SCN1A: variants seen among roughly 807,000 people sequenced by gnomAD.
The protein encoded by SCN1A is sodium voltage-gated channel alpha subunit 1, also known as sodium channel protein type 1 subunit alpha.
A neutral mutation model predicts 193.7 loss-of-function variants in SCN1A; 13 were observed. The ratio of observed to expected loss-of-function variants is 0.07; its 90% CI spans 0.04 to 0.11. SCN1A has a LOEUF of 0.11. SCN1A is among the 10% of genes least tolerant of loss of function. SCN1A has a pLI of 1.00. For missense variants in SCN1A, 1,432 were observed against 2,451.1 expected (o/e 0.58, Z 8.78); for synonymous variants, 781 against 843.6 (o/e 0.93, Z 1.29).
chr2:166,007,643 T>C (rs1691835718), intron 23 of SCN1A, among the ~76,000 whole-genome samples: 1 of 151,380 alleles, frequency 6.6e-6, no homozygotes, highest in African/African-American at 2.4e-5. Flanking sequence ...GATGATAATT[T>C]ATTTGTTACT....
chr2:166,098,819 C>G (rs992553181), intron 2 of SCN1A, among the ~76,000 whole-genome samples: 18 of 152,128 alleles, frequency 1.2e-4, no homozygotes, highest in African/African-American at 4.3e-4. Flanking sequence ...TGAAAGATCT[C>G]TACAACAAGA....
chr2:166,113,216 GAAACAA>G (rs941451747), intron 2 of SCN1A, among the ~76,000 whole-genome samples: 57 of 149,758 alleles, frequency 3.8e-4, no homozygotes, highest in Non-Finnish European at 6.1e-4. Context: ...GGGAAAAACA[GAAACAA>G]AAACAAAAAC....
At chr2:166,087,672 T>C (rs1686292951) in intron 2 of SCN1A, among the ~76,000 whole-genome samples, 1 of 151,940 alleles carries the variant, frequency 6.6e-6, no homozygotes, top group Non-Finnish European at 1.5e-5. Flanking sequence ...AAAAAAAAAA[T>C]TACCCAGCCT....
rs1334990688 is a variant in SCN1A at position 166,002,760 on chromosome 2, C to T, written c.4003-7G>A. On this transcript the variant is annotated splice_polypyrimidine_tract_variant and splice_region_variant and intron_variant, in intron 23 of 28. Transcript: ENST00000674923. ...AAAGGGCATTCACAACCACCTAATA[C>T]ACAAATGGAAAAAAAGAAAAGTCAG... 1 of 1,599,324 alleles carries T rather than the reference C, an allele frequency of 6.3e-7. No homozygotes were observed. The highest frequency in any genetic ancestry group is 8.5e-7 in the Non-Finnish European group (1 of 1,174,788).
At chr2:166,024,197 G>A (rs1055350907) in intron 19 of SCN1A, among the ~76,000 whole-genome samples, 71 of 152,018 alleles carry the variant, frequency 4.7e-4, no homozygotes, top group African/African-American at 1.7e-3. Context: ...CTGCACTCTG[G>A]CGTGGATGAC....
At chr2:166,080,807 A>C (rs549383008) in intron 2 of SCN1A, among the ~76,000 whole-genome samples, 1 of 151,904 alleles carries the variant, frequency 6.6e-6, no homozygotes, top group African/African-American at 2.4e-5. Flanking sequence ...ATTTGTTAGA[A>C]TATACAAATA....
At chr2:166,130,003 G>A (rs1480458182), upstream of SCN1A, among the ~76,000 whole-genome samples, 2 of 152,186 alleles carry the variant, frequency 1.3e-5, no homozygotes, top group Admixed American at 6.5e-5. Context: ...TCAGGACCAG[G>A]TGGACCAGGA....
chr2:166,046,787 G>T lies in SCN1A; in HGVS notation c.1360C>A (p.Gln454Lys), dbSNP rs1465196014. 5.6e-6 allele frequency: 9 copies of T among 1,613,496 alleles called. No homozygotes were observed. In the African/African-American group the frequency reaches 6.7e-5, roughly 12 times the overall value. ...FQQMIEQLKK[Q>K]QEAAQQAATA... ...AGCTTTACCTGAGCTGCCTCCTGTT[G>T]CTTTTTAAGCTGTTCAATCATCTGC... Residue 454 changes from glutamine to lysine, a missense_variant, in exon 12 of 29, where the codon CAA (glutamine) becomes AAA (lysine). This residue lies in a region of SCN1A where 58 missense variants were observed against 103.4 expected (regional missense o/e 0.56). Coordinates refer to ENST00000674923, the MANE Select transcript of SCN1A (RefSeq NM_001165963.4).
intron 1 of SCN1A, among the ~76,000 whole-genome samples, chr2:166,144,998 A>C (rs1178843709): frequency 6.6e-6 from 1 of 151,636 alleles, no homozygotes; most frequent in African/African-American, 2.4e-5. Flanking sequence ...CACCATGCCT[A>C]GCTAATTTTT....
intron 1 of SCN1A, among the ~76,000 whole-genome samples, chr2:166,147,954 T>C (rs1384983328): frequency 3.3e-5 from 5 of 152,224 alleles, no homozygotes; most frequent in African/African-American, 1.2e-4. Context: ...AGAAAGTATG[T>C]GCTAAGTAAC....
chr2:166,068,895 C>T (rs1559274438), intron 4 of SCN1A, among the ~76,000 whole-genome samples: 1 of 152,162 alleles, frequency 6.6e-6, no homozygotes, highest in African/African-American at 2.4e-5. Context: ...TTCCAGTAAA[C>T]TGTCACATTG....
At chr2:166,009,889 A>G (rs1692194936) in intron 22 of SCN1A, 48 bp from the exon 23 acceptor site, 2 of 1,558,184 alleles carry the variant, frequency 1.3e-6, no homozygotes, top group Admixed American at 1.7e-5. Context: ...TCATCATTCA[A>G]TGTGTAGTTG....
chr2:166,046,276 T>C (rs1476706631), intron 12 of SCN1A, among the ~76,000 whole-genome samples: 1 of 152,202 alleles, frequency 6.6e-6, no homozygotes, highest in Non-Finnish European at 1.5e-5. Context: ...CATTCATATG[T>C]CTATTGGATG....
chr2:166,035,934 TA>T (rs34673057), intron 19 of SCN1A, 113 bp downstream of exon 19: 33,604 of 1,060,968 alleles, frequency 0.032, 3 homozygotes, highest in Middle Eastern at 0.073. Flanking sequence ...TATCATAAAG[TA>T]AAAAAAAAAA....
At chr2:166,133,426 C>T (rs909321866) in intron 1 of SCN1A, among the ~76,000 whole-genome samples, 4 of 152,088 alleles carry the variant, frequency 2.6e-5, no homozygotes, top group African/African-American at 9.7e-5. Context: ...ATACATGAAC[C>T]TGATTTCTCA....
chr2:166,051,048 G>C (rs1030345090), intron 9 of SCN1A, among the ~76,000 whole-genome samples: 1 of 151,784 alleles, frequency 6.6e-6, no homozygotes, highest in African/African-American at 2.4e-5. Flanking sequence ...TGTAGAATTC[G>C]CAAAGGGCAT....
chr2:166,086,694 A>C (rs1218680508), intron 2 of SCN1A, among the ~76,000 whole-genome samples: 4 of 152,186 alleles, frequency 2.6e-5, no homozygotes, highest in Admixed American at 1.3e-4. Context: ...TTCCAAATTT[A>C]TGAACCTCAT....
At chr2:166,009,634 G>T in intron 23 of SCN1A, 85 bp downstream of exon 23, 1 of 1,338,976 alleles carries the variant, frequency 7.5e-7, no homozygotes, top group Non-Finnish European at 1.0e-6. Flanking sequence ...CATTCCTTTT[G>T]CATGCATAGA....
intron 20 of SCN1A, among the ~76,000 whole-genome samples, chr2:166,015,124 CA>C (rs1693102117): frequency 1.3e-5 from 2 of 151,768 alleles, no homozygotes; most frequent in South Asian, 4.1e-4. Flanking sequence ...CATACTGCAC[CA>C]GGCTCAACTA....
Sources: allele counts gnomAD v4.1 joint callset (sites outside exome capture counted in the v4.1 genomes callset), GRCh38; gene constraint gnomAD v4.1.1; regional missense constraint gnomAD v4.1.1; transcripts MANE v1.5; gene names NCBI Gene and HGNC (gene_info 2026-07-23, HGNC 2026-07-21).